Variants in NCOR2 observed in about 807,000 individuals in gnomAD.
NCOR2 encodes the protein nuclear receptor corepressor 2, also known as CTG repeat protein 26.
NCOR2 carries 81 observed loss-of-function variants against 262.9 expected under a neutral mutation model. The ratio of observed to expected loss-of-function variants is 0.31; its 90% confidence interval spans 0.26 to 0.37. The LOEUF (loss-of-function observed/expected upper bound fraction) is 0.37, where lower values mean the gene tolerates loss of function less well. Ranked by LOEUF, NCOR2 falls within the 10% of genes least tolerant of loss-of-function variation. NCOR2 has a pLI of 1.00. For missense variants in NCOR2, 3,385 were observed against 3,621.4 expected, an observed-to-expected ratio of 0.93 and a Z score of 1.68; for synonymous variants, 1,659 against 1,559.3, an observed-to-expected ratio of 1.06 and a Z score of -1.51.
chr12:124,359,844 G>A (rs2038386763), intron 22 of NCOR2, among the ~76,000 whole-genome samples: 1 of 152,258 alleles, frequency 6.6e-6, no homozygotes, highest in Non-Finnish European at 1.5e-5. Context: ...GGCAGAATAG[G>A]CTGGCTTCCT....
intron 1 of NCOR2, among the ~76,000 whole-genome samples, chr12:124,509,971 T>C (rs1353773531): frequency 6.6e-6 from 1 of 151,888 alleles, no homozygotes; most frequent in Non-Finnish European, 1.5e-5. Flanking sequence ...CAGAACCAAA[T>C]GTGCTGATAA....
intron 2 of NCOR2, among the ~76,000 whole-genome samples, chr12:124,484,585 G>A (rs1366807783): frequency 6.6e-6 from 1 of 152,186 alleles, no homozygotes; most frequent in Non-Finnish European, 1.5e-5. Flanking sequence ...GCCTGGCCTG[G>A]CCCTCGCTGT....
At chr12:124,471,517 A>G (rs1292627439) in intron 4 of NCOR2, among the ~76,000 whole-genome samples, 1 of 152,240 alleles carries the variant, frequency 6.6e-6, no homozygotes, top group African/African-American at 2.4e-5. Flanking sequence ...AGCTGGGTCT[A>G]TATTAATTCA....
At chr12:124,522,646 C>T (rs1183111718) in intron 1 of NCOR2, among the ~76,000 whole-genome samples, 1 of 152,222 alleles carries the variant, frequency 6.6e-6, no homozygotes, top group Admixed American at 6.5e-5. Context: ...CCAAGTGTAC[C>T]TATGTTTCAT....
intron 41 of NCOR2, 119 bp downstream of exon 43, chr12:124,334,305 G>T (rs906736437): frequency 3.0e-6 from 2 of 670,874 alleles, no homozygotes; most frequent in Non-Finnish European, 4.9e-6. Flanking sequence ...TTTCTTGCCT[G>T]TGCAATGGCA....
chr12:124,391,374 A>C (rs1593340377), intron 16 of NCOR2, among the ~76,000 whole-genome samples: 1 of 151,326 alleles, frequency 6.6e-6, no homozygotes, highest in South Asian at 2.1e-4. Context: ...ACCGCCCCCC[A>C]CCTGCCATTT....
chr12:124,333,665 C>CG (rs1360354051), intron 41 of NCOR2, among the ~76,000 whole-genome samples: 2 of 151,580 alleles, frequency 1.3e-5, no homozygotes, highest in African/African-American at 4.8e-5. Context: ...CATTACCCCC[C>CG]CCGCCCCCAC....
chr12:124,411,919 G>A (rs1045956818), intron 13 of NCOR2, among the ~76,000 whole-genome samples: 42 of 152,246 alleles, frequency 2.8e-4, no homozygotes, highest in African/African-American at 9.9e-4. Context: ...GGTCTCATGG[G>A]GGTGGGTGTG....
intron 1 of NCOR2, among the ~76,000 whole-genome samples, chr12:124,512,528 G>A (rs1011851027): frequency 5.6e-4 from 85 of 152,126 alleles, no homozygotes; most frequent in African/African-American, 1.5e-3. Flanking sequence ...TATCAAATAC[G>A]GTCTCTCTCT....
rs2050312280 is a variant in NCOR2, at chr12:124,523,675, T to A, written c.-118+11890A>T. ...ACAAAAAACCGAAAAACAATCTGTTTTAAGAAAGTTTACAAATTTGTGTTG... is the reference window on the plus strand; with the variant it reads ...ACAAAAAACCGAAAAACAATCTGTTATAAGAAAGTTTACAAATTTGTGTTG... On this transcript the variant is annotated intron_variant, in intron 1 of 46. Coordinates refer to the NCOR2 transcript ENST00000404621. This position sits in a 1 kb window ranked among gnomAD's most constrained non-coding sequence, Gnocchi z 4.0. 6.6e-6 allele frequency among the ~76,000 whole-genome samples: 1 copy of A among 152,020 alleles called. No individual in the cohort carries two copies. Among genetic ancestry groups the A allele is most frequent in the East Asian group, 1.9e-4 (1 of 5,204 alleles).
intron 23 of NCOR2, 119 bp from the exon 26 acceptor site, chr12:124,355,690 G>C: frequency 7.3e-7 from 1 of 1,367,426 alleles, no homozygotes; most frequent in Non-Finnish European, 9.6e-7. Context: ...CCATCCATGC[G>C]CACTCCTCTA....
At chr12:124,442,180 G>C (rs1471816945) in intron 7 of NCOR2, among the ~76,000 whole-genome samples, 1 of 152,192 alleles carries the variant, frequency 6.6e-6, no homozygotes, top group East Asian at 1.9e-4. Context: ...GTCTTACTCT[G>C]TCTCCCAGGC....
At chr12:124,335,768 C>A in intron 38 of NCOR2, 136 bp from the exon 41 acceptor site, 1 of 990,964 alleles carries the variant, frequency 1.0e-6, no homozygotes, top group South Asian at 1.7e-5. Context: ...GTTTGGGCTC[C>A]CAAAGACAGT....
At position 124,432,469 on chromosome 12, in the gene NCOR2, T is replaced by C. The variant is rs914544336; in HGVS notation, c.883-1682A>G. 2.0e-5 allele frequency among the ~76,000 whole-genome samples: 3 copies of C among 152,166 alleles called. No individual in the cohort carries two copies. The highest frequency in any genetic ancestry group is 7.2e-5 in the African/African-American group (3 of 41,438). On this transcript the variant is annotated intron_variant, in intron 8 of 46. Transcript: ENST00000405201. This position sits in a 1 kb window ranked among gnomAD's most constrained non-coding sequence, Gnocchi z 5.1. ...CCAGTAAAATTTAAGAGTCGGGCTC[T>C]AGTTCTCCCCAGCCATGCTTCCAGT...
At chr12:124,484,902 G>A (rs1424490142) in intron 2 of NCOR2, among the ~76,000 whole-genome samples, 1 of 152,240 alleles carries the variant, frequency 6.6e-6, no homozygotes, top group African/African-American at 2.4e-5. Flanking sequence ...ATCAGTGCCT[G>A]TAGACTGACT....
intron 22 of NCOR2, among the ~76,000 whole-genome samples, chr12:124,357,296 C>T (rs1246705095): frequency 6.6e-6 from 1 of 152,066 alleles, no homozygotes; most frequent in East Asian, 1.9e-4. Flanking sequence ...TACAGGCGCC[C>T]ACCACCGCAC....
intron 37 of NCOR2, among the ~76,000 whole-genome samples, chr12:124,339,004 G>A (rs1593117032): frequency 1.0e-5 from 1 of 97,748 alleles, no homozygotes. Flanking sequence ...ACCCAGCTAA[G>A]CCAGCGTCTA....
intron 13 of NCOR2, among the ~76,000 whole-genome samples, chr12:124,411,372 G>A (rs914171298): frequency 6.6e-6 from 1 of 152,160 alleles, no homozygotes; most frequent in South Asian, 2.1e-4. Flanking sequence ...GGGGAACAGT[G>A]GAGAGTGGAC....
intron 37 of NCOR2, chr12:124,337,430 T>C: frequency 1.5e-6 from 1 of 682,866 alleles, no homozygotes; most frequent in Non-Finnish European, 2.7e-6. Context: ...GGCACTGTTC[T>C]AGACACTGTG....
Sources: allele counts gnomAD v4.1 joint callset (sites outside exome capture counted in the v4.1 genomes callset), GRCh38; gene constraint gnomAD v4.1.1; non-coding constraint Gnocchi (gnomAD v3.1); transcripts MANE v1.5; gene names NCBI Gene and HGNC (gene_info 2026-07-23, HGNC 2026-07-21).